UBTD2: variants seen among roughly 807,000 people sequenced by gnomAD.
UBTD2 encodes the protein ubiquitin domain-containing protein 2.
A neutral mutation model predicts 19.8 loss-of-function variants in UBTD2; 9 were observed. The ratio of observed to expected loss-of-function variants is 0.46; its 90% confidence interval spans 0.27 to 0.79. The LOEUF (loss-of-function observed/expected upper bound fraction) is 0.79. UBTD2 is among the 30% of genes least tolerant of loss of function. The probability of loss-of-function intolerance (pLI) is 0.14; values close to 1 mark genes in which losing one functional copy is unlikely to be tolerated. For missense variants in UBTD2, 250 were observed against 300.4 expected (o/e 0.83, Z 1.24); for synonymous variants, 98 against 103.9 (o/e 0.94, Z 0.35).
intron 2 of UBTD2, among the ~76,000 whole-genome samples, chr5:172,225,415 AAAT>A (rs1223137000): frequency 2.0e-5 from 3 of 152,250 alleles, no homozygotes; most frequent in African/African-American, 7.2e-5. Context: ...ATTAGCTGAC[AAAT>A]AATACCTTTA....
chr5:172,239,874 A>G (rs772983472), intron 1 of UBTD2, among the ~76,000 whole-genome samples: 5 of 152,194 alleles, frequency 3.3e-5, no homozygotes, highest in African/African-American at 4.8e-5. Context: ...ATTGCACTCC[A>G]GCCTGGGCAA....
chr5:172,262,676 G>C lies in UBTD2; in HGVS notation c.70+20920C>G, dbSNP rs187163237. Among the ~76,000 whole-genome samples the C allele has an allele frequency of 1.5e-4, 22 of 151,070 alleles. No homozygotes were observed. In the East Asian group the frequency reaches 4.4e-3, roughly 30 times the overall value. On this transcript the variant is annotated intron_variant, in intron 1 of 2. Coordinates refer to ENST00000393792, the MANE Select transcript of UBTD2 (RefSeq NM_152277.3). ...AGAATACAAAAAAAATTAGCCAGGC[G>C]TGGTGGCACGTGCCTGTAGTCCCAG... is the stretch of plus-strand genomic sequence containing the variant.
chr5:172,274,071 A>G (rs1755556523), intron 1 of UBTD2, among the ~76,000 whole-genome samples: 1 of 148,980 alleles, frequency 6.7e-6, no homozygotes. Flanking sequence ...TTTCACCTCC[A>G]CTGTCACACT....
At chr5:172,234,555 T>TATGCAAA (rs1771970685) in intron 1 of UBTD2, among the ~76,000 whole-genome samples, 197 bp from the exon 2 acceptor site, 1 of 152,234 alleles carries the variant, frequency 6.6e-6, no homozygotes, top group African/African-American at 2.4e-5. Context: ...TAGACTGCTC[T>TATGCAAA]ATGCAAAACA....
intron 1 of UBTD2, among the ~76,000 whole-genome samples, chr5:172,281,050 C>T (rs1214779194): frequency 6.6e-6 from 1 of 152,134 alleles, no homozygotes; most frequent in Admixed American, 6.5e-5. Context: ...GTTTGCACAA[C>T]ACTGTGAATG....
At position 172,251,157 on chromosome 5, in the gene UBTD2, C is replaced by CA. The variant is rs78381770; in HGVS notation, c.71-16800dup. On this transcript the variant is annotated intron_variant, in intron 1 of 2. Coordinates refer to ENST00000393792, the MANE Select transcript of UBTD2 (RefSeq NM_152277.3). ...GTGAAACCCGTCTCTACTAAAAATA[C>CA]AAAAAAAAAAAATTGGCCGGGCGTG... Among the ~76,000 whole-genome samples, 943 of 136,820 alleles carry CA rather than the reference C, an allele frequency of 6.9e-3. 9 individuals carry two copies. The highest frequency in any genetic ancestry group is 0.021 in the African/African-American group (768 of 37,412). 89.8% of individuals were successfully genotyped at this position (136,820 alleles called of 152,430 possible). A position where few individuals can be genotyped will look rare whatever the true frequency, so the allele number is the denominator to read the frequency against.
Position 172,254,757 on chromosome 5 carries a change from G to A in UBTD2, c.71-20399C>T, listed in dbSNP as rs563561046. 3.6e-5 allele frequency: 10 copies of A among 278,776 alleles called. 1 individual carries two copies. Among genetic ancestry groups the A allele is most frequent in the Middle Eastern group, 4.4e-4 (1 of 2,254 alleles). 17.3% of individuals were successfully genotyped at this position (278,776 alleles called of 1,614,324 possible). On this transcript the variant is annotated intron_variant, in intron 1 of 2. Coordinates refer to ENST00000393792, the MANE Select transcript of UBTD2 (RefSeq NM_152277.3). ...GGGGGGGAACACTGAGTTCATTAAG[G>A]GGGGGGTGACATTTCTTCAGGATAA...
In UBTD2 at chr5:172,234,110, C is replaced by T. The variant is rs1417334048; in HGVS notation, c.307+12G>A. 2 of 1,613,218 alleles carry T rather than the reference C, an allele frequency of 1.2e-6. No homozygotes were observed. The highest frequency in any genetic ancestry group is 1.7e-6 in the Non-Finnish European group (2 of 1,179,312). On this transcript the variant is annotated intron_variant, in intron 2 of 2. Transcript: ENST00000393792. ...TTATGTTTCCTCTGTCCTTGAGGAA[C>T]ACCAAACCTACCATGTGGTAATGTT...
At chr5:172,254,874 T>G in intron 1 of UBTD2, 14 of 489,862 alleles carry the variant, frequency 2.9e-5, no homozygotes, top group African/African-American at 4.0e-5. Flanking sequence ...ACTTGCATGC[T>G]ACTACTGGAA....
Position 172,247,612 on chromosome 5 carries a change from AAG to A in UBTD2, c.71-13256_71-13255del, listed in dbSNP as rs530601936. 1.7e-3 allele frequency among the ~76,000 whole-genome samples: 260 copies of A among 152,350 alleles called. 2 individuals are homozygous for A. Among genetic ancestry groups the A allele is most frequent in the Non-Finnish European group, 3.0e-3 (204 of 68,024 alleles). ...GACAAACATTTTTACTAAAGATAAAAAGAGATGTTTTATAATTAAAGTGTCAA... is the reference window on the plus strand; with the variant it reads ...GACAAACATTTTTACTAAAGATAAAAAGATGTTTTATAATTAAAGTGTCAA... On this transcript the variant is annotated intron_variant, in intron 1 of 2. Transcript: ENST00000393792.
rs1755641164 is a variant in UBTD2 at position 172,277,955 on chromosome 5, C to T, written c.70+5641G>A. Among the ~76,000 whole-genome samples the T allele has an allele frequency of 4.6e-5, 7 of 151,660 alleles. 1 individual carries two copies. In the South Asian group the frequency reaches 1.5e-3, roughly 31 times the overall value. ...ACATGAAAACAGGTGCTCAACACCA[C>T]TACTCATCAGGAAAATGCAAATCAA... On this transcript the variant is annotated intron_variant, in intron 1 of 2. Coordinates refer to ENST00000393792, the MANE Select transcript of UBTD2 (RefSeq NM_152277.3).
At chr5:172,251,305 A>G (rs1755008462) in intron 1 of UBTD2, among the ~76,000 whole-genome samples, 1 of 124,398 alleles carries the variant, frequency 8.0e-6, no homozygotes, top group African/African-American at 3.0e-5. Flanking sequence ...GGTGACAGTG[A>G]GCCTATCTCA....
intron 1 of UBTD2, among the ~76,000 whole-genome samples, chr5:172,258,358 T>C (rs1755201856): frequency 1.3e-5 from 2 of 152,378 alleles, no homozygotes; most frequent in Middle Eastern, 3.4e-3. Context: ...GTGTCTGTTT[T>C]TGTACCAGTA....
chr5:172,261,920 A>G (rs76004463), intron 1 of UBTD2, among the ~76,000 whole-genome samples: 48,936 of 151,896 alleles, frequency 0.32, 7,972 homozygotes, highest in South Asian at 0.42. Context: ...CACCACACCC[A>G]GCCTCACTCA....
chr5:172,236,699 G>A (rs1245751003), intron 1 of UBTD2, among the ~76,000 whole-genome samples: 1 of 152,214 alleles, frequency 6.6e-6, no homozygotes, highest in East Asian at 1.9e-4. Flanking sequence ...TCTGAATAAA[G>A]TTTTGGGTCT....
At chr5:172,233,525 TAA>T (rs754534504) in intron 2 of UBTD2, among the ~76,000 whole-genome samples, 1 of 152,126 alleles carries the variant, frequency 6.6e-6, no homozygotes, top group Non-Finnish European at 1.5e-5. Context: ...CAGTTATCCT[TAA>T]AAGAGTCACA....
chr5:172,220,784 G>C (rs1223412247), intron 2 of UBTD2, among the ~76,000 whole-genome samples: 1 of 152,038 alleles, frequency 6.6e-6, no homozygotes, highest in Non-Finnish European at 1.5e-5. Flanking sequence ...AATAAAACAA[G>C]GCAAGATAAG....
intron 1 of UBTD2, among the ~76,000 whole-genome samples, chr5:172,260,079 C>A (rs1300347436): frequency 1.3e-5 from 2 of 151,334 alleles, no homozygotes; most frequent in African/African-American, 4.9e-5. Context: ...GCCGCACCCC[C>A]ACCCCCAACA....
intron 1 of UBTD2, chr5:172,254,683 C>T (rs1174418803): frequency 3.6e-6 from 2 of 558,684 alleles, no homozygotes; most frequent in Non-Finnish European, 3.2e-6. Context: ...AAGGTCTCTT[C>T]CCAGGCTGCA....
Sources: gnomAD v4.1 joint callset for allele counts (sites outside exome capture counted in the v4.1 genomes callset) on GRCh38, gnomAD v4.1.1 for gene constraint, MANE v1.5 for transcripts, NCBI Gene and HGNC (gene_info 2026-07-23, HGNC 2026-07-21) for gene names.